Variants in ETS1 observed in about 807,000 individuals in gnomAD.
The protein encoded by ETS1 is protein C-ets-1.
A neutral mutation model predicts 58.6 loss-of-function variants in ETS1; 15 were observed. The ratio of observed to expected loss-of-function variants is 0.26; its 90% confidence interval spans 0.17 to 0.39. The LOEUF (loss-of-function observed/expected upper bound fraction) is 0.39. Among genes scored for constraint, ETS1 ranks in the 10% least tolerant of loss-of-function variants. ETS1 has a pLI of 1.00. For synonymous variants in ETS1, 214 were observed against 218.2 expected, an observed-to-expected ratio of 0.98 and a Z score of 0.17; for missense variants, 417 against 610.5, an observed-to-expected ratio of 0.68 and a Z score of 3.34.
At chr11:128,545,510 G>T (rs1466705795) in intron 3 of ETS1, among the ~76,000 whole-genome samples, 1 of 152,134 alleles carries the variant, frequency 6.6e-6, no homozygotes, top group African/African-American at 2.4e-5. Context: ...CTGTAAAATG[G>T]GAATAGTATC....
chr11:128,477,553 G>T (rs894400384), intron 8 of ETS1, among the ~76,000 whole-genome samples: 1 of 152,080 alleles, frequency 6.6e-6, no homozygotes, highest in Non-Finnish European at 1.5e-5. Context: ...CACCATGAGG[G>T]TGTGAGATCA....
intron 3 of ETS1, among the ~76,000 whole-genome samples, chr11:128,493,907 A>G (rs1862869995): frequency 6.6e-6 from 1 of 152,222 alleles, no homozygotes; most frequent in Non-Finnish European, 1.5e-5. Context: ...AGTTCTGTTC[A>G]ATATACTCAT....
chr11:128,507,581 A>G (rs1035010568), intron 3 of ETS1, among the ~76,000 whole-genome samples: 1 of 152,196 alleles, frequency 6.6e-6, no homozygotes, highest in Non-Finnish European at 1.5e-5. Flanking sequence ...CATTGCAATC[A>G]GCAACCAGCA....
At position 128,560,206 on chromosome 11, in the gene ETS1, G is replaced by A. The variant is rs550775711; in HGVS notation, c.70-3771C>T. Among the ~76,000 whole-genome samples, 12 of 151,986 alleles carry A rather than the reference G, an allele frequency of 7.9e-5. No individual in the cohort carries two copies. In the East Asian group the frequency reaches 2.1e-3, roughly 27 times the overall value. On this transcript the variant is annotated intron_variant, in intron 2 of 9. Coordinates refer to ENST00000392668, the MANE Select transcript of ETS1 (RefSeq NM_001143820.2). ...CGGCTCACTGCAACCTCCGCCTCCT[G>A]GCATCAAGTGATTCTCCTGCCTCAG...
At chr11:128,492,405 G>A (rs1384147172) in intron 3 of ETS1, among the ~76,000 whole-genome samples, 1 of 152,162 alleles carries the variant, frequency 6.6e-6, no homozygotes, top group Non-Finnish European at 1.5e-5. Flanking sequence ...ATGCTGTCAG[G>A]AAACTGCTAG....
intron 2 of ETS1, among the ~76,000 whole-genome samples, chr11:128,566,532 C>A (rs552993839): frequency 6.6e-6 from 1 of 152,258 alleles, no homozygotes; most frequent in East Asian, 1.9e-4. Flanking sequence ...ACCTGTAATC[C>A]CAGCACTTTG....
chr11:128,494,855 G>A (rs1046084686), intron 3 of ETS1, among the ~76,000 whole-genome samples: 1 of 152,122 alleles, frequency 6.6e-6, no homozygotes, highest in Non-Finnish European at 1.5e-5. Context: ...GGAGATGAGG[G>A]ATACAGCCAA....
chr11:128,466,580 T>A (rs1336432456), intron 8 of ETS1, among the ~76,000 whole-genome samples: 1 of 152,166 alleles, frequency 6.6e-6, no homozygotes, highest in Non-Finnish European at 1.5e-5. Context: ...AGTCATAGGC[T>A]GTAGATGCCC....
chr11:128,554,034 T>C (rs536541670), intron 3 of ETS1, among the ~76,000 whole-genome samples: 1 of 152,170 alleles, frequency 6.6e-6, no homozygotes, highest in Non-Finnish European at 1.5e-5. Flanking sequence ...TTGGTCTATG[T>C]CTTCATCTCC....
chr11:128,514,066 A>C (rs1021336170), intron 3 of ETS1, among the ~76,000 whole-genome samples: 1 of 152,112 alleles, frequency 6.6e-6, no homozygotes, highest in East Asian at 1.9e-4. Flanking sequence ...ACTTCAAAAA[A>C]CCCGTATCTA....
At chr11:128,527,980 AGAGAT>A (rs1344449896) in intron 3 of ETS1, among the ~76,000 whole-genome samples, 1 of 152,238 alleles carries the variant, frequency 6.6e-6, no homozygotes, top group Non-Finnish European at 1.5e-5. Flanking sequence ...ATCAAGAAGC[AGAGAT>A]AAGTGGAGCA....
chr11:128,492,755 G>A (rs1422599203), intron 3 of ETS1, among the ~76,000 whole-genome samples: 3 of 152,058 alleles, frequency 2.0e-5, no homozygotes, highest in South Asian at 2.1e-4. Context: ...ACAGCTAAGC[G>A]GCAGGTCCAG....
At chr11:128,546,397 C>T (rs2135547425) in intron 3 of ETS1, among the ~76,000 whole-genome samples, 1 of 152,276 alleles carries the variant, frequency 6.6e-6, no homozygotes, top group Admixed American at 6.5e-5. Flanking sequence ...GTCTCTTGGC[C>T]ATGAGGGATT....
At chr11:128,485,093 G>A in intron 6 of ETS1, 22 bp from the exon 7 acceptor site, 1 of 1,601,436 alleles carries the variant, frequency 6.2e-7, no homozygotes, top group African/African-American at 1.3e-5. Context: ...GGGTTTGCAA[G>A]TAAAGAGAGG....
At chr11:128,539,707 A>G (rs946044050) in intron 3 of ETS1, among the ~76,000 whole-genome samples, 2 of 152,214 alleles carry the variant, frequency 1.3e-5, no homozygotes, top group Admixed American at 6.5e-5. Flanking sequence ...TATAATAACC[A>G]CAAAGTGAAA....
chr11:128,585,363 G>GGAAGGAAA (rs1201264226), intron 1 of ETS1, among the ~76,000 whole-genome samples: 1 of 151,790 alleles, frequency 6.6e-6, no homozygotes, highest in Non-Finnish European at 1.5e-5. Context: ...AAGGAAGGAA[G>GGAAGGAAA]GGTCCCAGCT....
intron 3 of ETS1, among the ~76,000 whole-genome samples, chr11:128,531,195 A>AT (rs1863892066): frequency 6.6e-6 from 1 of 152,212 alleles, no homozygotes; most frequent in Non-Finnish European, 1.5e-5. Flanking sequence ...GAGAGTTTGA[A>AT]TTTTAGCTTG....
intron 3 of ETS1, among the ~76,000 whole-genome samples, chr11:128,510,835 A>G (rs1863373458): frequency 6.6e-6 from 1 of 152,208 alleles, no homozygotes; most frequent in African/African-American, 2.4e-5. Context: ...AATACTTCCC[A>G]GATGGAAAAC....
chr11:128,483,068 T>C (rs1862533766), intron 7 of ETS1, among the ~76,000 whole-genome samples: 2 of 152,258 alleles, frequency 1.3e-5, no homozygotes, highest in Admixed American at 1.3e-4. Flanking sequence ...ATTGGCCCTT[T>C]GCATAGGCCC....
Sources: allele counts gnomAD v4.1 joint callset (sites outside exome capture counted in the v4.1 genomes callset), GRCh38; gene constraint gnomAD v4.1.1; transcripts MANE v1.5; gene names NCBI Gene and HGNC (gene_info 2026-07-23, HGNC 2026-07-21).